NDUFV2: variants seen among roughly 807,000 people sequenced by gnomAD.
NDUFV2 encodes NADH:ubiquinone oxidoreductase core subunit V2, also known as NADH dehydrogenase [ubiquinone] flavoprotein 2, mitochondrial.
In NDUFV2, 18 loss-of-function variants were observed where a neutral mutation model predicts 31.6. That is an observed-to-expected ratio of 0.57 (90% confidence interval 0.39 to 0.84). The LOEUF is 0.84. Among genes scored for constraint, NDUFV2 ranks in the 40% least tolerant of loss-of-function variants. The pLI, the probability that NDUFV2 is intolerant of heterozygous loss-of-function variation, is 0.00. For missense variants in NDUFV2, 314 were observed against 303.6 expected, an observed-to-expected ratio of 1.03 and a Z score of -0.26; for synonymous variants, 83 against 99.8, an observed-to-expected ratio of 0.83 and a Z score of 1.01.
Position 9,102,784 on chromosome 18 carries a change from T to G in NDUFV2, c.41T>G (p.Leu14Arg). ...SAALRARAAGLTAHWGRHVRN... is the reference protein window; with the variant it reads ...SAALRARAAGRTAHWGRHVRN... ...GCGCTCCGGGCCCGGGCGGCTGGCC[T>G]CACCGCCCACTGGGTAAGGAGGCTC... The change falls in exon 1 of 8, where the codon CTC becomes CGC. Residue 14 changes from leucine to arginine, a missense_variant. Coordinates refer to ENST00000318388, the MANE Select transcript of NDUFV2 (RefSeq NM_021074.5). 1 of 1,577,178 alleles carries G rather than the reference T, an allele frequency of 6.3e-7. No homozygotes were observed.
intron 1 of NDUFV2, among the ~76,000 whole-genome samples, chr18:9,110,126 A>G (rs1161261084): frequency 1.3e-5 from 2 of 152,046 alleles, no homozygotes; most frequent in South Asian, 2.1e-4. Context: ...TACTCAAAGA[A>G]GGGGGTGGGT....
At chr18:9,112,864 T>C (rs2077878632) in intron 1 of NDUFV2, 1 of 152,202 alleles carries the variant, frequency 6.6e-6, no homozygotes, top group Admixed American at 6.5e-5. Flanking sequence ...CATATTATAG[T>C]ATATATACAT....
chr18:9,110,615 C>G (rs1331079058), intron 1 of NDUFV2, among the ~76,000 whole-genome samples: 1 of 152,196 alleles, frequency 6.6e-6, no homozygotes, highest in Non-Finnish European at 1.5e-5. Flanking sequence ...GCAAGCGATG[C>G]TCCCACCTCA....
In NDUFV2 at chr18:9,131,069, T is replaced by A. The variant is rs548285706; in HGVS notation, c.657-3117T>A. Among the ~76,000 whole-genome samples, 5 of 152,340 alleles carry A rather than the reference T, an allele frequency of 3.3e-5. No homozygotes were observed. The South Asian group carries it at 1.0e-3, about 32-fold the overall frequency. On this transcript the variant is annotated intron_variant, in intron 7 of 7. Coordinates refer to ENST00000318388, the MANE Select transcript of NDUFV2 (RefSeq NM_021074.5). The stretch of plus-strand genomic sequence containing the variant: ...TGTCTGAAGGCCTTAACAAATAACA[T>A]AGTCAGCACATATTTTGCATGTTGT...
chr18:9,119,873 A>C (rs913847851), intron 4 of NDUFV2, among the ~76,000 whole-genome samples: 2 of 152,068 alleles, frequency 1.3e-5, no homozygotes, highest in African/African-American at 4.8e-5. Flanking sequence ...AAAAGATTCC[A>C]AATGTGTATA....
At chr18:9,127,338 C>T (rs908037813) in intron 7 of NDUFV2, among the ~76,000 whole-genome samples, 1 of 152,228 alleles carries the variant, frequency 6.6e-6, no homozygotes, top group African/African-American at 2.4e-5. Context: ...GATGGAATAT[C>T]CACAATTGTT....
intron 1 of NDUFV2, among the ~76,000 whole-genome samples, chr18:9,104,524 TAGA>T (rs1002718341): frequency 2.0e-5 from 3 of 152,204 alleles, no homozygotes; most frequent in African/African-American, 7.2e-5. Flanking sequence ...AGAGTGCTTG[TAGA>T]TTTTGTTTCT....
At position 9,106,359 on chromosome 18, in the gene NDUFV2, C is replaced by G. The variant is rs911652485; in HGVS notation, c.54+3562C>G. ...TTCTGTGTCTGCCTGTTTGGTTGTT[C>G]CCCAGTGCCTTCAGAAAGCTTTTGT... is the stretch of plus-strand genomic sequence containing the variant. On this transcript the variant is annotated intron_variant, in intron 1 of 7. Transcript: ENST00000318388. Among the ~76,000 whole-genome samples the G allele has an allele frequency of 3.9e-5, 6 of 152,130 alleles. No individual in the cohort carries two copies. The East Asian group carries it at 9.6e-4, about 24-fold the overall frequency.
chr18:9,102,709 G>C lies in NDUFV2; in HGVS notation c.-35G>C. ...CTGGGCGCGCTCGGGATTCTCGCCT[G>C]GCGCGGCTGGGGAAGGTGAACAGTG... On this transcript the variant is annotated 5_prime_UTR_variant, in exon 1 of 8. Transcript: ENST00000318388. The C allele has an allele frequency of 6.4e-7, 1 of 1,569,734 alleles. No individual in the cohort carries two copies. Among genetic ancestry groups the C allele is most frequent in the Non-Finnish European group, 8.6e-7 (1 of 1,160,366 alleles).
chr18:9,132,094 T>C (rs552512003), intron 7 of NDUFV2: 1 of 152,230 alleles, frequency 6.6e-6, no homozygotes, highest in Non-Finnish European at 1.5e-5. Context: ...GACTCCCGTT[T>C]TTCTATACAA....
intron 1 of NDUFV2, among the ~76,000 whole-genome samples, chr18:9,117,139 C>T (rs985334286): frequency 4.0e-5 from 6 of 151,780 alleles, no homozygotes; most frequent in Admixed American, 6.6e-5. Flanking sequence ...CAGGTTCAGG[C>T]GATTCTCCTG....
chr18:9,128,108 A>T (rs751988671), intron 7 of NDUFV2, among the ~76,000 whole-genome samples: 29 of 152,160 alleles, frequency 1.9e-4, no homozygotes, highest in Non-Finnish European at 4.0e-4. Context: ...TTTAGTCATA[A>T]TCCCTCAAAT....
intron 7 of NDUFV2, among the ~76,000 whole-genome samples, chr18:9,129,883 C>T (rs2078024808): frequency 6.6e-6 from 1 of 152,082 alleles, no homozygotes; most frequent in South Asian, 2.1e-4. Context: ...TAAAATACTG[C>T]CATAGTTGCT....
At chr18:9,122,168 T>C (rs1313189824) in intron 4 of NDUFV2, among the ~76,000 whole-genome samples, 1 of 152,180 alleles carries the variant, frequency 6.6e-6, no homozygotes, top group East Asian at 1.9e-4. Context: ...GATTATAAAA[T>C]GTGAGTTGAC....
intron 4 of NDUFV2, 59 bp from the exon 5 acceptor site, chr18:9,122,454 A>G (rs1276657965): frequency 2.1e-6 from 3 of 1,426,482 alleles, no homozygotes; most frequent in East Asian, 2.3e-5. Context: ...GTACAACATA[A>G]TTAAAGCTCC....
At chr18:9,123,540 C>T (rs1490963898) in intron 5 of NDUFV2, among the ~76,000 whole-genome samples, 1 of 151,846 alleles carries the variant, frequency 6.6e-6, no homozygotes, top group Non-Finnish European at 1.5e-5. Context: ...GGCTGGAATG[C>T]AGTGGCTGGA....
intron 1 of NDUFV2, chr18:9,117,531 G>A (rs1025859878): frequency 1.8e-5 from 6 of 331,686 alleles, no homozygotes; most frequent in Non-Finnish European, 3.4e-5. Context: ...GAAGTTAATA[G>A]TACATTAATT....
intron 1 of NDUFV2, among the ~76,000 whole-genome samples, chr18:9,114,401 A>T (rs556500095): frequency 1.1e-4 from 17 of 151,426 alleles, no homozygotes; most frequent in African/African-American, 3.4e-4. Flanking sequence ...TAACAGCACA[A>T]TTTTTTAAAA....
chr18:9,126,819 T>A lies in NDUFV2; in HGVS notation c.580-12T>A, dbSNP rs114558512. The stretch of plus-strand genomic sequence containing the variant: ...GTAATTTAAATATGACTATTGTTAA[T>A]TTTTTTTCCAGGAGGATTTGACAGC... On this transcript the variant is annotated splice_polypyrimidine_tract_variant and intron_variant, in intron 6 of 7. Coordinates refer to ENST00000318388, the MANE Select transcript of NDUFV2 (RefSeq NM_021074.5). 5,743 of 1,593,766 alleles carry A rather than the reference T, an allele frequency of 3.6e-3. 182 individuals are homozygous for A. In the African/African-American group the frequency reaches 0.065, roughly 18 times the overall value.
Sources: allele counts gnomAD v4.1 joint callset (sites outside exome capture counted in the v4.1 genomes callset), GRCh38; gene constraint gnomAD v4.1.1; transcripts MANE v1.5; gene names NCBI Gene and HGNC (gene_info 2026-07-23, HGNC 2026-07-21).